PRP4K: variants seen among roughly 807,000 people sequenced by gnomAD.
PRP4K encodes the protein pre-mRNA processing factor kinase PRP4K.
chr6:4,041,722 A>G, the PRP4K span, among the ~76,000 whole-genome samples: 1 of 152,150 alleles, frequency 6.6e-6, no homozygotes, highest in African/African-American at 2.4e-5. Flanking sequence ...ACTGCATTCT[A>G]CAATGCACAG....
chr6:4,027,602 G>A, the PRP4K span, among the ~76,000 whole-genome samples: 2 of 122,894 alleles, frequency 1.6e-5, 1 homozygote, highest in Non-Finnish European at 3.5e-5. Context: ...CGGAGGGGTG[G>A]GGGGGTGGGG....
chr6:4,032,676 T>C, the PRP4K span: 2 of 1,612,920 alleles, frequency 1.2e-6, no homozygotes, highest in Non-Finnish European at 1.7e-6. Context: ...GCGGACACTG[T>C]CTCCTGGGAG....
At chr6:4,052,684 C>T in the PRP4K span, 20 of 1,448,274 alleles carry the variant, frequency 1.4e-5, no homozygotes, top group East Asian at 7.3e-5. Flanking sequence ...ATTTTAACTC[C>T]TATTTTGTTT....
At chr6:4,037,247 T>C in the PRP4K span, 1 of 644,320 alleles carries the variant, frequency 1.6e-6, no homozygotes, top group Non-Finnish European at 2.4e-6. Context: ...ATCACTGTAG[T>C]CACCTGAGTA....
the PRP4K span, chr6:4,032,547 A>G: frequency 9.9e-6 from 16 of 1,613,700 alleles, no homozygotes; most frequent in Admixed American, 1.3e-4. Flanking sequence ...GTCACCCAGC[A>G]GAAGACCTGG....
the PRP4K span, chr6:4,037,625 AGT>A: frequency 6.5e-7 from 1 of 1,530,904 alleles, no homozygotes; most frequent in Non-Finnish European, 8.9e-7. Flanking sequence ...TTGAACCACC[AGT>A]GAGCTCACTT....
the PRP4K span, among the ~76,000 whole-genome samples, chr6:4,039,534 G>A: frequency 2.6e-5 from 4 of 152,228 alleles, no homozygotes; most frequent in Non-Finnish European, 5.9e-5. Flanking sequence ...ACTGAGTTGG[G>A]GAGGGGACTG....
At chr6:4,055,797 A>G in the PRP4K span, among the ~76,000 whole-genome samples, 2 of 152,184 alleles carry the variant, frequency 1.3e-5, no homozygotes, top group Non-Finnish European at 2.9e-5. Flanking sequence ...TATTTGAGGG[A>G]TTTAATATTT....
the PRP4K span, chr6:4,037,417 T>C: frequency 1.9e-6 from 3 of 1,611,154 alleles, no homozygotes; most frequent in South Asian, 3.3e-5. Context: ...CGAGATGATA[T>C]CCTCAGTAGA....
the PRP4K span, among the ~76,000 whole-genome samples, chr6:4,024,834 C>G: frequency 1.3e-5 from 2 of 152,242 alleles, no homozygotes; most frequent in South Asian, 4.1e-4. Context: ...AACTCCTGAC[C>G]TCAGGTGATC....
the PRP4K span, among the ~76,000 whole-genome samples, chr6:4,053,775 T>G: frequency 6.6e-6 from 1 of 152,216 alleles, no homozygotes; most frequent in Non-Finnish European, 1.5e-5. Flanking sequence ...GGGTTCTCTT[T>G]ATCAGTTCTC....
chr6:4,041,598 A>T, the PRP4K span, among the ~76,000 whole-genome samples: 1 of 152,164 alleles, frequency 6.6e-6, no homozygotes, highest in Non-Finnish European at 1.5e-5. Flanking sequence ...TCTAAGTGGA[A>T]TATCTCAAAA....
chr6:4,051,101 G>C, the PRP4K span, among the ~76,000 whole-genome samples: 3 of 152,096 alleles, frequency 2.0e-5, no homozygotes, highest in Non-Finnish European at 2.9e-5. Context: ...CTAGAGACAG[G>C]GTTTCGCCAT....
At chr6:4,048,887 G>A in the PRP4K span, 1 of 562,414 alleles carries the variant, frequency 1.8e-6, no homozygotes, top group East Asian at 3.2e-5. Flanking sequence ...GTGATAGTAA[G>A]AATTTATTTA....
the PRP4K span, among the ~76,000 whole-genome samples, chr6:4,055,424 G>T: frequency 6.6e-6 from 1 of 152,122 alleles, no homozygotes; most frequent in Non-Finnish European, 1.5e-5. Context: ...CTTAACTCTG[G>T]ATATCATTTA....
the PRP4K span, chr6:4,052,805 T>C: frequency 1.2e-6 from 2 of 1,610,416 alleles, no homozygotes; most frequent in Non-Finnish European, 1.7e-6. Context: ...TCAGCAGTTG[T>C]TCCTGGCATT....
chr6:4,025,566 A>G, the PRP4K span, among the ~76,000 whole-genome samples: 1 of 152,122 alleles, frequency 6.6e-6, no homozygotes, highest in Non-Finnish European at 1.5e-5. Flanking sequence ...GCAGGAACCT[A>G]CTCATTATTT....
chr6:4,064,548 G>A, the PRP4K span: 5 of 152,288 alleles, frequency 3.3e-5, no homozygotes, highest in African/African-American at 1.2e-4. Context: ...TCCTCATTTA[G>A]TTATAATGAC....
chr6:4,037,682 G>A, the PRP4K span: 116 of 1,030,302 alleles, frequency 1.1e-4, 2 homozygotes, highest in South Asian at 6.0e-4. Context: ...AATCGTAGTT[G>A]TGTTCCCATA....
Sources: gnomAD v4.1 joint callset for allele counts (sites outside exome capture counted in the v4.1 genomes callset) on GRCh38, gnomAD v4.1.1 for gene constraint, MANE v1.5 for transcripts, NCBI Gene and HGNC (gene_info 2026-07-23, HGNC 2026-07-21) for gene names.